H2BK1: variants seen among roughly 807,000 people sequenced by gnomAD.
H2BK1 encodes histone H2B type 2-K1.
the H2BK1 span, chr7:151,210,278 C>T: frequency 3.8e-5 from 15 of 399,144 alleles, no homozygotes; most frequent in Non-Finnish European, 5.7e-5. Flanking sequence ...GCGACCCCCA[C>T]GGCCCCCGGG....
chr7:151,209,392 C>T, the H2BK1 span, among the ~76,000 whole-genome samples: 1 of 151,754 alleles, frequency 6.6e-6, no homozygotes, highest in South Asian at 2.1e-4. Flanking sequence ...GGCATTACCT[C>T]TGGGGCCTGC....
At chr7:151,210,014 T>C in the H2BK1 span, among the ~76,000 whole-genome samples, 5 of 152,286 alleles carry the variant, frequency 3.3e-5, no homozygotes, top group African/African-American at 1.2e-4. Context: ...CCCAAGATCC[T>C]GAGAGAGGTG....
At chr7:151,208,008 C>A in the H2BK1 span, 1 of 1,590,102 alleles carries the variant, frequency 6.3e-7, no homozygotes, top group Non-Finnish European at 8.6e-7. Context: ...GAGTACTGGG[C>A]CAGCCGGGCA....
the H2BK1 span, among the ~76,000 whole-genome samples, chr7:151,208,292 G>A: frequency 6.6e-6 from 1 of 152,194 alleles, no homozygotes; most frequent in African/African-American, 2.4e-5. Context: ...TGTTTTCTTT[G>A]TACTGCTATG....
chr7:151,210,286 G>C, the H2BK1 span: 1 of 399,144 alleles, frequency 2.5e-6, no homozygotes, highest in East Asian at 3.6e-5. Context: ...CACGGCCCCC[G>C]GGCTGCTGCC....
chr7:151,210,355 G>A, the H2BK1 span: 1 of 342,204 alleles, frequency 2.9e-6, no homozygotes, highest in East Asian at 5.1e-5. Context: ...CCACCCCCTT[G>A]GAGCTACTTT....
chr7:151,210,090 G>C, the H2BK1 span: 1 of 396,556 alleles, frequency 2.5e-6, no homozygotes, highest in Non-Finnish European at 4.4e-6. Flanking sequence ...ACTTGCCCCA[G>C]TGCCAACACT....
At chr7:151,209,199 C>G in the H2BK1 span, among the ~76,000 whole-genome samples, 1 of 152,190 alleles carries the variant, frequency 6.6e-6, no homozygotes, top group East Asian at 1.9e-4. Flanking sequence ...GGCTAAGACA[C>G]AAGGCTCAGC....
chr7:151,210,041 G>C, the H2BK1 span: 5 of 394,738 alleles, frequency 1.3e-5, no homozygotes, highest in Non-Finnish European at 2.2e-5. Context: ...TCAAAAACCA[G>C]GTCCCGCCAC....
At chr7:151,209,908 C>T in the H2BK1 span, among the ~76,000 whole-genome samples, 1 of 152,218 alleles carries the variant, frequency 6.6e-6, no homozygotes, top group South Asian at 2.1e-4. Context: ...TCCTCTTGTC[C>T]TTTAATTATG....
At chr7:151,208,148 A>C in the H2BK1 span, 72 of 991,524 alleles carry the variant, frequency 7.3e-5, no homozygotes, top group Non-Finnish European at 1.0e-4. Context: ...GGAAGGGGCC[A>C]GGGGAGGGGG....
the H2BK1 span, chr7:151,207,964 C>T: frequency 7.1e-7 from 1 of 1,406,528 alleles, no homozygotes. Flanking sequence ...GCACAGCCGT[C>T]TGGACTTCTC....
chr7:151,208,017 C>T, the H2BK1 span: 2 of 1,604,830 alleles, frequency 1.2e-6, no homozygotes, highest in South Asian at 1.1e-5. Flanking sequence ...GCCAGCCGGG[C>T]AGCCTCACAC....
chr7:151,209,049 C>CA, the H2BK1 span, among the ~76,000 whole-genome samples: 4 of 151,740 alleles, frequency 2.6e-5, no homozygotes, highest in Non-Finnish European at 4.4e-5. Flanking sequence ...CCCAAACCCC[C>CA]TCTGCTGTCA....
the H2BK1 span, chr7:151,207,978 A>G: frequency 6.8e-7 from 1 of 1,462,030 alleles, no homozygotes; most frequent in Non-Finnish European, 9.6e-7. Context: ...ACTTCTCGGG[A>G]TGTCAGGGTG....
chr7:151,207,944 A>G, the H2BK1 span: 1 of 1,294,492 alleles, frequency 7.7e-7, no homozygotes, highest in Non-Finnish European at 1.1e-6. Flanking sequence ...CTCCCCAGGC[A>G]GCAGCAGACG....
At chr7:151,208,094 A>G in the H2BK1 span, 15 of 1,600,060 alleles carry the variant, frequency 9.4e-6, no homozygotes, top group Non-Finnish European at 1.2e-5. Context: ...AGAGATGCCA[A>G]TGTCAGGGTG....
the H2BK1 span, chr7:151,210,415 A>T: frequency 4.4e-4 from 114 of 260,594 alleles, no homozygotes; most frequent in Non-Finnish European, 5.2e-4. Flanking sequence ...TGCACCTGGG[A>T]GGGGGGGGGG....
the H2BK1 span, chr7:151,210,174 G>T: frequency 1.0e-5 from 4 of 399,050 alleles, no homozygotes; most frequent in Non-Finnish European, 1.8e-5. Flanking sequence ...ACACATCCTT[G>T]CTATGCACTC....
Sources: gnomAD v4.1 joint callset for allele counts (sites outside exome capture counted in the v4.1 genomes callset) on GRCh38, gnomAD v4.1.1 for gene constraint, MANE v1.5 for transcripts, NCBI Gene and HGNC (gene_info 2026-07-23, HGNC 2026-07-21) for gene names.